Variants in SLC1A4 observed in about 807,000 individuals in gnomAD.
SLC1A4 encodes the protein neutral amino acid transporter A.
A neutral mutation model predicts 37.7 loss-of-function variants in SLC1A4; 19 were observed. That is an observed-to-expected ratio of 0.50 (90% CI 0.35 to 0.74). The LOEUF (loss-of-function observed/expected upper bound fraction) is 0.74. Among genes scored for constraint, SLC1A4 ranks in the 30% least tolerant of loss-of-function variants. The pLI, the probability that SLC1A4 is intolerant of heterozygous loss-of-function variation, is 0.01. For synonymous variants in SLC1A4, 299 were observed against 309.8 expected (o/e 0.97, Z 0.37); for missense variants, 570 against 712.9 (o/e 0.80, Z 2.28).
chr2:64,994,553 T>G (rs1205493890), intron 1 of SLC1A4, among the ~76,000 whole-genome samples: 1 of 152,222 alleles, frequency 6.6e-6, no homozygotes, highest in Non-Finnish European at 1.5e-5. Context: ...TTTTCACTGC[T>G]CGTGCTAATT....
Position 64,989,703 on chromosome 2 carries a change from C to A in SLC1A4, c.60C>A (p.Ala20=), listed in dbSNP as rs753564384. 2.0e-6 allele frequency: 3 copies of A among 1,528,240 alleles called. No homozygotes were observed. The Admixed American group carries it at 6.6e-5, about 33-fold the overall frequency. 94.7% of individuals were successfully genotyped at this position (1,528,240 alleles called of 1,614,324 possible). Residue 20 remains alanine, a synonymous_variant, in exon 1 of 8, where the codon GCC becomes GCA. Coordinates refer to ENST00000234256, the MANE Select transcript of SLC1A4 (RefSeq NM_003038.5). ...YLDSAQAGPA[A]GPGAPGTAAG... ...ACAGCGCTCAGGCGGGGCCTGCGGCCGGGCCCGGAGCTCCGGGGACCGCGG... is the reference window on the plus strand; with the variant it reads ...ACAGCGCTCAGGCGGGGCCTGCGGCAGGGCCCGGAGCTCCGGGGACCGCGG...
chr2:64,990,281 C>A (rs1673005306), intron 1 of SLC1A4, 111 bp downstream of exon 1: 2 of 1,067,368 alleles, frequency 1.9e-6, no homozygotes, highest in Non-Finnish European at 1.3e-6. Flanking sequence ...TCTTAGCTGG[C>A]TGCTGGTGGC....
At chr2:65,015,887 C>T (rs1674107979) in intron 4 of SLC1A4, among the ~76,000 whole-genome samples, 1 of 152,246 alleles carries the variant, frequency 6.6e-6, no homozygotes, top group Non-Finnish European at 1.5e-5. Flanking sequence ...CTTTAAAAAA[C>T]TCTCACGCTC....
At chr2:65,002,739 A>G (rs561626607) in intron 2 of SLC1A4, among the ~76,000 whole-genome samples, 4 of 151,316 alleles carry the variant, frequency 2.6e-5, no homozygotes, top group Admixed American at 2.0e-4. Flanking sequence ...CACCACACCC[A>G]GCTAATTTTT....
At chr2:65,011,006 C>G (rs1267005933) in intron 4 of SLC1A4, among the ~76,000 whole-genome samples, 1 of 152,226 alleles carries the variant, frequency 6.6e-6, no homozygotes, top group Non-Finnish European at 1.5e-5. Context: ...AGTGTCCACA[C>G]TGACCCCTTG....
At chr2:65,012,820 C>T (rs1260870641) in intron 4 of SLC1A4, among the ~76,000 whole-genome samples, 1 of 152,204 alleles carries the variant, frequency 6.6e-6, no homozygotes, top group Non-Finnish European at 1.5e-5. Flanking sequence ...CAGAGTATTG[C>T]TTGAGCTCAG....
At position 65,022,164 on chromosome 2, in the gene SLC1A4, C is replaced by A. The variant is rs1045821311; in HGVS notation, c.*1018C>A. 6.6e-6 allele frequency: 1 copy of A among 152,298 alleles called. No homozygotes were observed. The highest frequency in any genetic ancestry group is 1.5e-5 in the Non-Finnish European group (1 of 68,058). 9.4% of individuals were successfully genotyped at this position (152,298 alleles called of 1,614,324 possible). A position where few individuals can be genotyped will look rare whatever the true frequency, so the allele number is the denominator to read the frequency against. On this transcript the variant is annotated 3_prime_UTR_variant, in exon 8 of 8. Transcript: ENST00000234256. The stretch of plus-strand genomic sequence containing the variant: ...AAAACCACCACCACCCCAGAGAAAA[C>A]CATGTACTAATTGGAGTGGGGTACC...
At position 65,022,932 on chromosome 2, in the gene SLC1A4, G is replaced by A. The variant is rs987505124; in HGVS notation, c.*1786G>A. The A allele has an allele frequency of 5.3e-5, 8 of 152,198 alleles. No individual in the cohort carries two copies. Among genetic ancestry groups the A allele is most frequent in the African/African-American group, 1.9e-4 (8 of 41,424 alleles). The allele number at this position is 152,198 out of a possible 1,614,324, so 9.4% of individuals were successfully genotyped here. On this transcript the variant is annotated 3_prime_UTR_variant, in exon 8 of 8. Coordinates refer to ENST00000234256, the MANE Select transcript of SLC1A4 (RefSeq NM_003038.5). ...ATGGATGTGTGTACCATTGAGATGA[G>A]AATGGGTAGATGGAACGGAGACCAT...
rs1002136667 is a variant in SLC1A4 at position 64,989,427 on chromosome 2, G to A, written c.-217G>A. On this transcript the variant is annotated 5_prime_UTR_variant, in exon 1 of 8. Transcript: ENST00000234256. ...TCCAGCCGGCGGCTGCTCCAGGGAG[G>A]CTGGGCGCGATCCTCTCCGCCCGCG... 8 of 401,988 alleles carry A rather than the reference G, an allele frequency of 2.0e-5. No homozygotes were observed. Among genetic ancestry groups the A allele is most frequent in the Non-Finnish European group, 3.0e-5 (7 of 230,846 alleles). 24.9% of individuals were successfully genotyped at this position (401,988 alleles called of 1,614,324 possible).
At chr2:65,012,734 T>C (rs1352884789) in intron 4 of SLC1A4, among the ~76,000 whole-genome samples, 1 of 152,154 alleles carries the variant, frequency 6.6e-6, no homozygotes, top group African/African-American at 2.4e-5. Context: ...TTTTCCAAAG[T>C]TTAGACTAAA....
In SLC1A4 at chr2:65,010,819, G is replaced by T. The variant is rs879208669; in HGVS notation, c.800+56G>T. The T allele has an allele frequency of 1.9e-6, 3 of 1,559,408 alleles. No homozygotes were observed. The African/African-American group carries it at 4.1e-5, about 21-fold the overall frequency. On this transcript the variant is annotated intron_variant, in intron 4 of 7. Coordinates refer to ENST00000234256, the MANE Select transcript of SLC1A4 (RefSeq NM_003038.5). ...CTCCTTCCTCCTGCCATCCAGAAAA[G>T]AGTCCACCTTGCTGTTCTAGGTACC...
rs190628653 is a variant in SLC1A4, at chr2:65,011,930, G to A, written c.800+1167G>A. Among the ~76,000 whole-genome samples, 1,199 of 147,350 alleles carry A rather than the reference G, an allele frequency of 8.1e-3. 20 individuals carry two copies. The highest frequency in any genetic ancestry group is 0.029 in the African/African-American group (1,138 of 39,866). On this transcript the variant is annotated intron_variant, in intron 4 of 7. Coordinates refer to ENST00000234256, the MANE Select transcript of SLC1A4 (RefSeq NM_003038.5). ...ATTACAGGCACCGGCCACCATGCCCGGCTAATTTTTGTATTTTTAGTAGAG... is the reference window on the plus strand; with the variant it reads ...ATTACAGGCACCGGCCACCATGCCCAGCTAATTTTTGTATTTTTAGTAGAG...
At chr2:65,008,706 G>T (rs1673784141) in intron 3 of SLC1A4, among the ~76,000 whole-genome samples, 1 of 152,126 alleles carries the variant, frequency 6.6e-6, no homozygotes, top group African/African-American at 2.4e-5. Context: ...ATTTTAAGAG[G>T]AAGACACTCC....
intron 4 of SLC1A4, among the ~76,000 whole-genome samples, chr2:65,012,847 T>C (rs1673973525): frequency 6.6e-6 from 1 of 152,176 alleles, no homozygotes; most frequent in African/African-American, 2.4e-5. Context: ...AAGACCAGCC[T>C]GGGCAAAAAA....
intron 3 of SLC1A4, 90 bp downstream of exon 3, chr2:65,004,105 A>G (rs1416952620): frequency 8.6e-7 from 1 of 1,158,888 alleles, no homozygotes. Context: ...TGGGCTGAAA[A>G]CTTTGAGGTT....
At chr2:65,000,162 T>C (rs1673406316) in intron 1 of SLC1A4, 1 of 152,212 alleles carries the variant, frequency 6.6e-6, no homozygotes, top group Non-Finnish European at 1.5e-5. Context: ...CTTACTCTTC[T>C]TGCAGGAAGT....
chr2:65,002,247 T>C (rs1673488690), intron 2 of SLC1A4, among the ~76,000 whole-genome samples: 1 of 131,514 alleles, frequency 7.6e-6, no homozygotes, highest in Non-Finnish European at 1.6e-5. Context: ...ACCACTGTAC[T>C]CCAGCCTGGG....
At chr2:65,001,252 T>C in intron 1 of SLC1A4, 196 bp from the exon 2 acceptor site, 2 of 569,860 alleles carry the variant, frequency 3.5e-6, no homozygotes, top group South Asian at 4.2e-5. Flanking sequence ...AGAATACTGA[T>C]GAAGACAGGT....
chr2:65,002,169 A>G (rs2103647640), intron 2 of SLC1A4, among the ~76,000 whole-genome samples: 1 of 152,060 alleles, frequency 6.6e-6, no homozygotes, highest in South Asian at 2.1e-4. Context: ...AACCCCAGCC[A>G]CCCAGGAAGC....
Sources: gnomAD v4.1 joint callset for allele counts (sites outside exome capture counted in the v4.1 genomes callset) on GRCh38, gnomAD v4.1.1 for gene constraint, MANE v1.5 for transcripts, NCBI Gene and HGNC (gene_info 2026-07-23, HGNC 2026-07-21) for gene names.